Variants in FSD2 observed in about 807,000 individuals in gnomAD.
The protein encoded by FSD2 is fibronectin type III and SPRY domain containing 2.
A neutral mutation model predicts 80.4 loss-of-function variants in FSD2; 71 were observed. The observed-to-expected ratio is 0.88, with a 90% CI of 0.73 to 1.08. FSD2 has a LOEUF of 1.08. FSD2 is among the 50% of genes least tolerant of loss of function. FSD2 has a pLI of 0.00. For missense variants in FSD2, 923 were observed against 913.8 expected (o/e 1.01, Z -0.13); for synonymous variants, 361 against 329.5 (o/e 1.10, Z -1.03).
intron 6 of FSD2, among the ~76,000 whole-genome samples, chr15:82,773,003 C>A (rs991299327): frequency 2.0e-5 from 3 of 152,180 alleles, no homozygotes; most frequent in African/African-American, 7.2e-5. Context: ...CACACCACCA[C>A]GCCCAGCTAG....
At chr15:82,805,112 G>A (rs2050498183) in intron 1 of FSD2, among the ~76,000 whole-genome samples, 1 of 149,520 alleles carries the variant, frequency 6.7e-6, no homozygotes, top group Admixed American at 6.7e-5. Flanking sequence ...GTGTATCCCT[G>A]TGCATTACTT....
At position 82,756,611 on chromosome 15, in the gene FSD2, A is replaced by G. The variant is rs1420788509; in HGVS notation, c.*2737T>C. On this transcript the variant is annotated 3_prime_UTR_variant, in exon 13 of 13. Coordinates refer to ENST00000334574, the MANE Select transcript of FSD2 (RefSeq NM_001007122.4). The stretch of plus-strand genomic sequence containing the variant: ...ATTGCAAGTCTCAAACCAACTTTCC[A>G]ATTCTGACTTGTAAGGGTGCCTTAA... 2.0e-5 allele frequency: 3 copies of G among 152,222 alleles called. No individual in the cohort carries two copies. The highest frequency in any genetic ancestry group is 4.4e-5 in the Non-Finnish European group (3 of 68,046). The allele number at this position is 152,222 out of a possible 1,614,324, so 9.4% of individuals were successfully genotyped here. A position where few individuals can be genotyped will look rare whatever the true frequency, so the allele number is the denominator to read the frequency against.
chr15:82,776,644 T>C (rs2049719626), intron 6 of FSD2, among the ~76,000 whole-genome samples: 1 of 152,132 alleles, frequency 6.6e-6, no homozygotes, highest in African/African-American at 2.4e-5. Flanking sequence ...TTAATATTGT[T>C]AAAATGTCCA....
At chr15:82,765,410 C>CT in intron 10 of FSD2, 112 bp from the exon 11 acceptor site, 2 of 1,390,012 alleles carry the variant, frequency 1.4e-6, no homozygotes, top group Admixed American at 4.5e-5. Context: ...TGGACCTGGC[C>CT]TAGTAATAGG....
intron 11 of FSD2, 99 bp downstream of exon 11, chr15:82,765,066 TC>T: frequency 1.5e-6 from 2 of 1,361,308 alleles, no homozygotes; most frequent in Non-Finnish European, 2.0e-6. Flanking sequence ...GGATTCCTTT[TC>T]CCTCGAGGCT....
Position 82,758,762 on chromosome 15 carries a change from T to G in FSD2, c.*586A>C, listed in dbSNP as rs1256793848. On this transcript the variant is annotated 3_prime_UTR_variant, in exon 13 of 13. Transcript: ENST00000334574. ...GGAATTAGGCATTATAGAGGTAATT[T>G]CAAAATTAGAGAGTGGTGCATACTG... 1 of 152,412 alleles carries G rather than the reference T, an allele frequency of 6.6e-6. No homozygotes were observed. Among genetic ancestry groups the G allele is most frequent in the African/African-American group, 2.4e-5 (1 of 41,450 alleles). The allele number at this position is 152,412 out of a possible 1,614,324, so 9.4% of individuals were successfully genotyped here.
At position 82,769,012 on chromosome 15, in the gene FSD2, A is replaced by G; in HGVS notation, c.1421T>C (p.Ile474Thr). The G allele has an allele frequency of 6.3e-7, 1 of 1,589,612 alleles. No homozygotes were observed. Among genetic ancestry groups the G allele is most frequent in the South Asian group, 1.2e-5 (1 of 85,884 alleles). ...VYMTAPSPPI[I>T]KTKEIRSCEE... The stretch of plus-strand genomic sequence containing the variant: ...ACAGCTCCTTATCTCTTTGGTTTTA[A>G]TAATGGGGGGAGAAGGTGCTAAATG... The change falls in exon 9 of 13, where the codon ATT becomes ACT. Residue 474 changes from isoleucine to threonine, a missense_variant. Transcript: ENST00000334574.
At position 82,782,880 on chromosome 15, in the gene FSD2, C is replaced by A. The variant is rs1485467153; in HGVS notation, c.881G>T (p.Ser294Ile). 1.2e-6 allele frequency: 2 copies of A among 1,614,030 alleles called. No homozygotes were observed. Among genetic ancestry groups the A allele is most frequent in the Non-Finnish European group, 1.7e-6 (2 of 1,179,886 alleles). ...KLEALYGQLV[S>I]CGENLDTCKE... ...GCAAGTATCTAGGTTTTCTCCACAG[C>A]TGACCAGTTGTCCATATAAGGCTTC... Residue 294 changes from serine to isoleucine, a missense_variant, in exon 4 of 13, where the codon AGC (serine) becomes ATC (isoleucine). Physicochemically the swap from Ser to Ile is moderately radical, Grantham distance 142. Coordinates refer to ENST00000334574, the MANE Select transcript of FSD2 (RefSeq NM_001007122.4).
Position 82,759,424 on chromosome 15 carries a change from C to G in FSD2, c.2174G>C (p.Cys725Ser). Reference sequence around the variant, plus strand: ...ACACCCAGGCTTTTCCAAAGAAAAACAGGGATGCACAAATTCGTGAAGCTG... The same window carrying G: ...ACACCCAGGCTTTTCCAAAGAAAAAGAGGGATGCACAAATTCGTGAAGCTG... ...SCQLHEFVHP[C>S]FSLEKPGCLK... The change falls in exon 13 of 13, where the codon TGT (cysteine) becomes TCT (serine). Residue 725 changes from cysteine to serine, a missense_variant. By Grantham distance (112) the Cys-to-Ser change is moderately radical (BLOSUM62 -1). Transcript: ENST00000334574. The G allele has an allele frequency of 6.2e-7, 1 of 1,613,732 alleles. No individual in the cohort carries two copies.
At position 82,802,785 on chromosome 15, in the gene FSD2, T is replaced by C. The variant is rs530350313; in HGVS notation, c.-79+3181A>G. ...CCTCTGCTCCTGGGGCGTTATAGAT[T>C]CCACCTGGTCATGGCAGAGTTAGTG... On this transcript the variant is annotated intron_variant, in intron 1 of 12. Transcript: ENST00000334574. Among the ~76,000 whole-genome samples, 5 of 152,236 alleles carry C rather than the reference T, an allele frequency of 3.3e-5. No homozygotes were observed. In the South Asian group the frequency reaches 1.0e-3, roughly 32 times the overall value.
At chr15:82,760,975 TCTTA>T (rs2049283980) in intron 12 of FSD2, among the ~76,000 whole-genome samples, 1 of 152,104 alleles carries the variant, frequency 6.6e-6, no homozygotes, top group African/African-American at 2.4e-5. Context: ...TGCTCTTTAG[TCTTA>T]CTTCAGGCAG....
In FSD2 at chr15:82,801,624, A is replaced by C. The variant is rs147987781; in HGVS notation, c.-79+4342T>G. On this transcript the variant is annotated intron_variant, in intron 1 of 12. Coordinates refer to ENST00000334574, the MANE Select transcript of FSD2 (RefSeq NM_001007122.4). ...GTCATTAGGTGACAAAGATGCTGCTATCCTAACCCAATGCCATGTATGTTA... is the reference window on the plus strand; with the variant it reads ...GTCATTAGGTGACAAAGATGCTGCTCTCCTAACCCAATGCCATGTATGTTA... Among the ~76,000 whole-genome samples, 8 of 152,332 alleles carry C rather than the reference A, an allele frequency of 5.3e-5. No individual in the cohort carries two copies. The East Asian group carries it at 1.2e-3, about 22-fold the overall frequency.
intron 11 of FSD2, 42 bp from the exon 12 acceptor site, chr15:82,762,320 C>T (rs757607537): frequency 1.3e-6 from 2 of 1,594,540 alleles, no homozygotes; most frequent in Non-Finnish European, 1.7e-6. Context: ...TGGGGTGCCC[C>T]AAGCCTGGCT....
intron 6 of FSD2, among the ~76,000 whole-genome samples, chr15:82,777,070 A>C (rs2049729674): frequency 6.6e-6 from 1 of 152,236 alleles, no homozygotes; most frequent in Non-Finnish European, 1.5e-5. Flanking sequence ...AAGTAAACTC[A>C]AAATAGATTA....
intron 3 of FSD2, among the ~76,000 whole-genome samples, chr15:82,785,684 A>G (rs1024635535): frequency 6.6e-6 from 1 of 152,162 alleles, no homozygotes; most frequent in African/African-American, 2.4e-5. Flanking sequence ...AGTAGCGATC[A>G]TTGGCAGAAG....
rs564953281 is a variant in FSD2 at position 82,786,937 on chromosome 15, A to G, written c.454T>C (p.Tyr152His). The change falls in exon 2 of 13, where the codon TAC becomes CAC. Residue 152 changes from tyrosine (Y) to histidine (H), a missense_variant. Tyr to His is a moderately conservative substitution (Grantham distance 83, BLOSUM62 2). Transcript: ENST00000334574. ...QCQDLREAYR[Y>H]THGRASEEYE... ...TCCTCGCTGGCACGGCCGTGTGTGT[A>G]CCTATAGGCTTCCCGCAAGTCCTGG... 1.3e-4 allele frequency: 217 copies of G among 1,613,892 alleles called. 2 individuals carry two copies. The South Asian group carries it at 2.2e-3, about 16-fold the overall frequency.
rs941178585 is a variant in FSD2 at position 82,759,236 on chromosome 15, C to G, written c.*112G>C. 5 of 1,150,278 alleles carry G rather than the reference C, an allele frequency of 4.3e-6. No individual in the cohort carries two copies. In the African/African-American group the frequency reaches 7.8e-5, roughly 18 times the overall value. 71.3% of individuals were successfully genotyped at this position (1,150,278 alleles called of 1,614,324 possible). On this transcript the variant is annotated 3_prime_UTR_variant, in exon 13 of 13. Coordinates refer to ENST00000334574, the MANE Select transcript of FSD2 (RefSeq NM_001007122.4). ...CACACCAGTCAGATAATAGCATGAG[C>G]CATAAATTGTGCTGGGCACATGGTG...
At chr15:82,762,347 C>A in intron 11 of FSD2, 69 bp from the exon 12 acceptor site, 1 of 1,487,966 alleles carries the variant, frequency 6.7e-7, no homozygotes. Context: ...GTCAGTGATG[C>A]CAGTTGCTGG....
chr15:82,772,135 A>G lies in FSD2; in HGVS notation c.1205T>C (p.Val402Ala), dbSNP rs762315057. Residue 402 changes from valine (V) to alanine (A), a missense_variant, in exon 7 of 13, where the codon GTG (valine) becomes GCG (alanine). By Grantham distance (64) the Val-to-Ala change is moderately conservative (BLOSUM62 0). Coordinates refer to ENST00000334574, the MANE Select transcript of FSD2 (RefSeq NM_001007122.4). ...VCWSLYSDDTVESYQLSYRPV... is the reference protein window; with the variant it reads ...VCWSLYSDDTAESYQLSYRPV... The stretch of plus-strand genomic sequence containing the variant: ...CCGGTAGGACAGCTGATAGCTCTCC[A>G]CAGTGTCGTCGGAGTATAAGCTCCA... The G allele has an allele frequency of 1.2e-6, 2 of 1,610,344 alleles. No individual in the cohort carries two copies. The highest frequency in any genetic ancestry group is 1.7e-6 in the Non-Finnish European group (2 of 1,178,560).
Sources: allele counts gnomAD v4.1 joint callset (sites outside exome capture counted in the v4.1 genomes callset), GRCh38; gene constraint gnomAD v4.1.1; transcripts MANE v1.5; gene names NCBI Gene and HGNC (gene_info 2026-07-23, HGNC 2026-07-21).